ELMO1: variants seen among roughly 807,000 people sequenced by gnomAD.
The protein encoded by ELMO1 is engulfment and cell motility protein 1.
In ELMO1, 26 loss-of-function variants were observed where a neutral mutation model predicts 98.9. The observed-to-expected ratio is 0.26, with a 90% CI of 0.19 to 0.36. The LOEUF is 0.36. Among genes scored for constraint, ELMO1 ranks in the 10% least tolerant of loss-of-function variants. The pLI, the probability that ELMO1 is intolerant of heterozygous loss-of-function variation, is 1.00. For missense variants in ELMO1, 627 were observed against 935.2 expected, an observed-to-expected ratio of 0.67 and a Z score of 4.30; for synonymous variants, 346 against 346.0, an observed-to-expected ratio of 1.00 and a Z score of 0.00.
At chr7:37,332,510 G>C (rs768102719) in intron 2 of ELMO1, among the ~76,000 whole-genome samples, 5 of 152,226 alleles carry the variant, frequency 3.3e-5, no homozygotes, top group Non-Finnish European at 7.3e-5. Context: ...TGAAGAGTCA[G>C]AAAAGGCCTT....
At chr7:37,208,575 G>C (rs1792769844) in intron 13 of ELMO1, among the ~76,000 whole-genome samples, 1 of 152,304 alleles carries the variant, frequency 6.6e-6, no homozygotes, top group Non-Finnish European at 1.5e-5. Flanking sequence ...TTCTGCACGA[G>C]ACTGCTTACA....
chr7:36,913,229 C>T (rs996285405), intron 16 of ELMO1, among the ~76,000 whole-genome samples: 1 of 152,104 alleles, frequency 6.6e-6, no homozygotes, highest in Admixed American at 6.5e-5. Context: ...TGGCAAGTAC[C>T]CAGCAAATAC....
chr7:37,021,404 T>A (rs919088223), intron 15 of ELMO1, among the ~76,000 whole-genome samples: 2 of 152,142 alleles, frequency 1.3e-5, no homozygotes, highest in African/African-American at 2.4e-5. Flanking sequence ...GCTTCATTGT[T>A]CACCTTCCCT....
Position 37,165,821 on chromosome 7 carries a change from G to A in ELMO1, c.1087-32587C>T, listed in dbSNP as rs1426245087. Among the ~76,000 whole-genome samples, 17 of 152,200 alleles carry A rather than the reference G, an allele frequency of 1.1e-4. No homozygotes were observed. The South Asian group carries it at 2.1e-3, about 19-fold the overall frequency. On this transcript the variant is annotated intron_variant, in intron 13 of 21. Transcript: ENST00000310758. The stretch of plus-strand genomic sequence containing the variant: ...CTCTTTTTTGGTTCTGTCTCTGCCC[G>A]GCTTTGGTATCAGGATGATGCTGGC...
chr7:37,426,308 C>G (rs10247412), intron 1 of ELMO1, among the ~76,000 whole-genome samples: 3,574 of 151,812 alleles, frequency 0.024, 146 homozygotes, highest in African/African-American at 0.082. Flanking sequence ...TGCCCGCCAC[C>G]AAGCCCAGCT....
chr7:37,324,474 T>C (rs1464435341), intron 2 of ELMO1, among the ~76,000 whole-genome samples: 2 of 152,228 alleles, frequency 1.3e-5, no homozygotes, highest in African/African-American at 4.8e-5. Flanking sequence ...AAAATGTTCA[T>C]GAGGTGGTAT....
chr7:37,175,588 G>A (rs1398826964), intron 13 of ELMO1, among the ~76,000 whole-genome samples: 2 of 152,178 alleles, frequency 1.3e-5, no homozygotes, highest in African/African-American at 2.4e-5. Flanking sequence ...GCTCATGCCT[G>A]TAATCCTAGC....
At chr7:37,236,897 A>G (rs937347526) in intron 7 of ELMO1, among the ~76,000 whole-genome samples, 5 of 152,252 alleles carry the variant, frequency 3.3e-5, no homozygotes, top group Non-Finnish European at 5.9e-5. Context: ...GGCAAGTTCT[A>G]CCTCTGAAAT....
At chr7:37,333,510 G>A (rs1485141226) in intron 2 of ELMO1, among the ~76,000 whole-genome samples, 2 of 152,154 alleles carry the variant, frequency 1.3e-5, no homozygotes, top group Non-Finnish European at 2.9e-5. Flanking sequence ...AGGAAAAGGA[G>A]AATGCCAGAG....
intron 6 of ELMO1, among the ~76,000 whole-genome samples, chr7:37,247,321 A>G (rs189802744): frequency 1.0e-3 from 159 of 152,260 alleles, no homozygotes; most frequent in South Asian, 1.9e-3. Flanking sequence ...CTGATTGGTG[A>G]GTGACAGTGG....
chr7:37,267,038 TACACACACACACACACACACAC>T (rs60344761), intron 5 of ELMO1, among the ~76,000 whole-genome samples: 2,289 of 100,352 alleles, frequency 0.023, 165 homozygotes, highest in East Asian at 0.097. Context: ...TATGTATATA[TACACACACACACACACACACAC>T]ACACACACAC....
At chr7:37,136,439 T>A (rs766768258) in intron 13 of ELMO1, among the ~76,000 whole-genome samples, 155 of 152,206 alleles carry the variant, frequency 1.0e-3, no homozygotes, top group Non-Finnish European at 1.8e-3. Context: ...TAATCTAAAG[T>A]TAAGACAAAA....
At chr7:37,339,849 C>G (rs1028423902) in intron 2 of ELMO1, among the ~76,000 whole-genome samples, 1 of 146,814 alleles carries the variant, frequency 6.8e-6, no homozygotes, top group African/African-American at 2.6e-5. Flanking sequence ...CAATGCAACA[C>G]CATGTACCTC....
chr7:36,898,839 C>A (rs1247429822), intron 16 of ELMO1, among the ~76,000 whole-genome samples: 5 of 152,188 alleles, frequency 3.3e-5, no homozygotes, highest in African/African-American at 1.2e-4. Flanking sequence ...AGCTCTCAGC[C>A]TGGGACAGTG....
intron 16 of ELMO1, among the ~76,000 whole-genome samples, chr7:36,938,061 T>C (rs1390331485): frequency 6.6e-6 from 1 of 152,156 alleles, no homozygotes; most frequent in Non-Finnish European, 1.5e-5. Flanking sequence ...TGAAACATCC[T>C]CCATCCTTTT....
intron 16 of ELMO1, among the ~76,000 whole-genome samples, chr7:36,925,242 T>C (rs1785463570): frequency 6.6e-6 from 1 of 152,200 alleles, no homozygotes; most frequent in South Asian, 2.1e-4. Context: ...AACACTATAA[T>C]GTCTAAAAAT....
intron 5 of ELMO1, among the ~76,000 whole-genome samples, chr7:37,268,693 T>C (rs1796393543): frequency 6.6e-6 from 1 of 152,226 alleles, no homozygotes. Context: ...TCTAAAGATG[T>C]ACCATGCAGT....
chr7:36,993,370 C>T (rs1327438689), intron 16 of ELMO1, among the ~76,000 whole-genome samples: 1 of 152,208 alleles, frequency 6.6e-6, no homozygotes, highest in Non-Finnish European at 1.5e-5. Context: ...CACATAACCT[C>T]TCTAAACAAA....
intron 1 of ELMO1, among the ~76,000 whole-genome samples, chr7:37,355,703 T>C (rs1801469021): frequency 6.6e-6 from 1 of 152,188 alleles, no homozygotes; most frequent in Admixed American, 6.5e-5. Flanking sequence ...AGAGAACCAT[T>C]TTCCCTCCTG....
Sources: allele counts gnomAD v4.1 joint callset (sites outside exome capture counted in the v4.1 genomes callset), GRCh38; gene constraint gnomAD v4.1.1; transcripts MANE v1.5; gene names NCBI Gene and HGNC (gene_info 2026-07-23, HGNC 2026-07-21).